Variants in PRKG1 observed in about 807,000 individuals in gnomAD.
PRKG1 encodes the protein protein kinase cGMP-dependent 1.
PRKG1 carries 35 observed loss-of-function variants against 88.1 expected under a neutral mutation model. That is an observed-to-expected ratio of 0.40 (90% CI 0.30 to 0.53). PRKG1 has a LOEUF of 0.53. Ranked by LOEUF, PRKG1 falls within the 20% of genes least tolerant of loss-of-function variation. The pLI is 0.59. For synonymous variants in PRKG1, 303 were observed against 292.5 expected (o/e 1.04, Z -0.37); for missense variants, 540 against 839.8 (o/e 0.64, Z 4.41).
intron 2 of PRKG1, among the ~76,000 whole-genome samples, chr10:51,199,348 C>A (rs1013038686): frequency 6.6e-6 from 1 of 152,176 alleles, no homozygotes; most frequent in African/African-American, 2.4e-5. Context: ...TTTAACTGCT[C>A]TTATGATATA....
At chr10:52,215,860 C>T (rs1564519240) in intron 9 of PRKG1, among the ~76,000 whole-genome samples, 1 of 152,140 alleles carries the variant, frequency 6.6e-6, no homozygotes, top group Admixed American at 6.5e-5. Context: ...AATTGAATAT[C>T]TTAAGCATAG....
At chr10:51,708,814 T>G (rs2132428318) in intron 3 of PRKG1, among the ~76,000 whole-genome samples, 1 of 152,298 alleles carries the variant, frequency 6.6e-6, no homozygotes, top group South Asian at 2.1e-4. Flanking sequence ...GTGCCAGTTG[T>G]TAACCTCCTT....
chr10:51,488,642 A>C (rs1205091344), intron 3 of PRKG1, among the ~76,000 whole-genome samples: 1 of 152,116 alleles, frequency 6.6e-6, no homozygotes, highest in African/African-American at 2.4e-5. Context: ...CTAATCTTTG[A>C]ATCTACTATC....
chr10:51,115,385 A>ATAT (rs1554837458), intron 1 of PRKG1, among the ~76,000 whole-genome samples: 9 of 94,564 alleles, frequency 9.5e-5, no homozygotes, highest in South Asian at 1.1e-3. Flanking sequence ...ATATATATAT[A>ATAT]AAACAAATGT....
chr10:51,327,458 A>G (rs1841622850), intron 2 of PRKG1, among the ~76,000 whole-genome samples: 1 of 152,084 alleles, frequency 6.6e-6, no homozygotes, highest in African/African-American at 2.4e-5. Context: ...ATAGCAAAAA[A>G]TGTGTTTCTC....
chr10:51,455,528 C>T (rs1839561241), intron 2 of PRKG1, among the ~76,000 whole-genome samples: 1 of 152,216 alleles, frequency 6.6e-6, no homozygotes, highest in South Asian at 2.1e-4. Context: ...TAAGTCACTT[C>T]TTGAATGCTT....
chr10:51,692,628 G>A (rs535594542), intron 3 of PRKG1, among the ~76,000 whole-genome samples: 6 of 151,972 alleles, frequency 3.9e-5, no homozygotes, highest in Admixed American at 6.6e-5. Context: ...TGTGTACATC[G>A]CCATACTCAG....
rs564464244 is a variant in PRKG1 at position 51,799,735 on chromosome 10, C to T, written c.593-4850C>T. On this transcript the variant is annotated intron_variant, in intron 3 of 17. Coordinates refer to ENST00000373980, the MANE Select transcript of PRKG1 (RefSeq NM_006258.4). ...CCTAGGGACACAGACCAGCTAAGTA[C>T]TAGCCCTGCCATTGCCACTCCCACT... Among the ~76,000 whole-genome samples, 13 of 152,150 alleles carry T rather than the reference C, an allele frequency of 8.5e-5. No individual in the cohort carries two copies. In the South Asian group the frequency reaches 2.7e-3, roughly 32 times the overall value.
chr10:51,156,314 A>C (rs6479980), intron 2 of PRKG1, among the ~76,000 whole-genome samples: 9,671 of 146,882 alleles, frequency 0.066, 392 homozygotes, highest in African/African-American at 0.086. Flanking sequence ...CACACACACA[A>C]ACACACACAC....
chr10:51,467,142 T>C (rs1839926044), intron 2 of PRKG1, among the ~76,000 whole-genome samples: 1 of 152,064 alleles, frequency 6.6e-6, no homozygotes, highest in African/African-American at 2.4e-5. Flanking sequence ...TAAACTGTCA[T>C]AACACAGCTT....
At chr10:51,529,863 C>T (rs893327131) in intron 3 of PRKG1, among the ~76,000 whole-genome samples, 7 of 152,166 alleles carry the variant, frequency 4.6e-5, no homozygotes, top group Non-Finnish European at 1.0e-4. Context: ...GTTATTGTAG[C>T]GGAGTTTGTC....
intron 3 of PRKG1, among the ~76,000 whole-genome samples, chr10:51,793,387 A>G (rs1391078984): frequency 1.3e-5 from 2 of 152,068 alleles, no homozygotes; most frequent in Admixed American, 6.6e-5. Flanking sequence ...AGAACAAAAA[A>G]CTTGTGAAAT....
intron 1 of PRKG1, among the ~76,000 whole-genome samples, chr10:51,029,926 C>A (rs1022742484): frequency 6.6e-6 from 1 of 151,746 alleles, no homozygotes; most frequent in East Asian, 1.9e-4. Flanking sequence ...ATTATGATTG[C>A]GATAATAATA....
At chr10:51,748,968 A>T (rs1837649026) in intron 3 of PRKG1, among the ~76,000 whole-genome samples, 1 of 152,238 alleles carries the variant, frequency 6.6e-6, no homozygotes, top group Admixed American at 6.5e-5. Flanking sequence ...AGGAAAATGA[A>T]GTTAAAATAC....
intron 2 of PRKG1, among the ~76,000 whole-genome samples, chr10:51,235,505 T>A (rs1428927329): frequency 1.3e-5 from 2 of 152,238 alleles, no homozygotes; most frequent in African/African-American, 4.8e-5. Context: ...CTGAAAGTTC[T>A]TTTGGTTTTT....
At chr10:51,881,813 AT>A (rs1664813653) in intron 4 of PRKG1, among the ~76,000 whole-genome samples, 1 of 152,174 alleles carries the variant, frequency 6.6e-6, no homozygotes, top group Admixed American at 6.5e-5. Context: ...TGCCTTATTT[AT>A]TGTAGTCTTC....
intron 2 of PRKG1, among the ~76,000 whole-genome samples, chr10:51,194,244 T>TG (rs1837704798): frequency 6.6e-6 from 1 of 151,964 alleles, no homozygotes; most frequent in African/African-American, 2.4e-5. Flanking sequence ...TAGTTTTTTT[T>TG]TTTTTCAATT....
chr10:52,219,509 A>G (rs1840191984), intron 9 of PRKG1, among the ~76,000 whole-genome samples: 1 of 152,176 alleles, frequency 6.6e-6, no homozygotes. Flanking sequence ...GCTTTTATCC[A>G]TGGTTGCTAA....
intron 9 of PRKG1, among the ~76,000 whole-genome samples, chr10:52,167,133 C>T (rs1353633660): frequency 6.6e-6 from 1 of 152,024 alleles, no homozygotes; most frequent in African/African-American, 2.4e-5. Flanking sequence ...TGGCATGGTT[C>T]TACAGGCTGT....
Sources: gnomAD v4.1 joint callset for allele counts (sites outside exome capture counted in the v4.1 genomes callset) on GRCh38, gnomAD v4.1.1 for gene constraint, MANE v1.5 for transcripts, NCBI Gene and HGNC (gene_info 2026-07-23, HGNC 2026-07-21) for gene names.